GRM5: variants seen among roughly 807,000 people sequenced by gnomAD.
GRM5 encodes glutamate metabotropic receptor 5.
Under a neutral mutation model 83.1 loss-of-function variants are expected in GRM5, and 19 were observed. The ratio of observed to expected loss-of-function variants is 0.23; its 90% confidence interval spans 0.16 to 0.34. GRM5 has a LOEUF of 0.34. GRM5 is among the 10% of genes least tolerant of loss of function. The pLI is 1.00. For synonymous variants in GRM5, 675 were observed against 633.6 expected (o/e 1.07, Z -0.98); for missense variants, 1,160 against 1,588.3 (o/e 0.73, Z 4.58).
At chr11:88,915,550 G>A (rs577508739) in intron 2 of GRM5, among the ~76,000 whole-genome samples, 5 of 148,534 alleles carry the variant, frequency 3.4e-5, no homozygotes, top group Admixed American at 2.8e-4. Flanking sequence ...CAATTTTCTT[G>A]CAAAGGTCAT....
At chr11:89,004,386 G>A (rs186260998) in intron 2 of GRM5, among the ~76,000 whole-genome samples, 3 of 152,224 alleles carry the variant, frequency 2.0e-5, no homozygotes, top group Admixed American at 2.0e-4. Flanking sequence ...GAATTTAAAT[G>A]ACATTGAACT....
At chr11:88,737,973 T>C (rs1447866247) in intron 3 of GRM5, among the ~76,000 whole-genome samples, 5 of 152,042 alleles carry the variant, frequency 3.3e-5, no homozygotes, top group Admixed American at 1.3e-4. Context: ...TTTTGAAAGA[T>C]AGATGTGAAA....
chr11:89,007,585 T>C (rs1367807455), intron 2 of GRM5, among the ~76,000 whole-genome samples: 1 of 152,206 alleles, frequency 6.6e-6, no homozygotes, highest in Non-Finnish European at 1.5e-5. Context: ...AGAGACTAGA[T>C]AGGTAATAAA....
At chr11:89,049,857 C>A (rs1273633343) in intron 1 of GRM5, among the ~76,000 whole-genome samples, 3 of 152,272 alleles carry the variant, frequency 2.0e-5, no homozygotes, top group Middle Eastern at 3.4e-3. Context: ...TATTACCAAA[C>A]CTTTCTTTCA....
At chr11:88,765,329 A>G (rs1042333887) in intron 3 of GRM5, among the ~76,000 whole-genome samples, 4 of 151,226 alleles carry the variant, frequency 2.6e-5, no homozygotes, top group African/African-American at 9.7e-5. Context: ...ACTAACACCA[A>G]TACTTCTCAA....
chr11:88,561,205 G>T (rs983924224), intron 8 of GRM5, among the ~76,000 whole-genome samples: 2 of 152,196 alleles, frequency 1.3e-5, no homozygotes, highest in African/African-American at 4.8e-5. Context: ...TAGGCATATT[G>T]TAATTCGGCC....
chr11:88,871,021 A>T lies in GRM5; in HGVS notation c.662-20866T>A, dbSNP rs574189140. Among the ~76,000 whole-genome samples, 12 of 151,720 alleles carry T rather than the reference A, an allele frequency of 7.9e-5. No individual in the cohort carries two copies. In the South Asian group the frequency reaches 1.2e-3, roughly 16 times the overall value. ...ACCACTGTACATTATATGTATGAAA[A>T]CACCACTATGTACTCCATGAATACG... On this transcript the variant is annotated intron_variant, in intron 2 of 9. Transcript: ENST00000305447.
At chr11:89,045,519 G>A (rs1356732934) in intron 2 of GRM5, among the ~76,000 whole-genome samples, 1 of 152,106 alleles carries the variant, frequency 6.6e-6, no homozygotes, top group Non-Finnish European at 1.5e-5. Flanking sequence ...TCATTACCTA[G>A]TAGAATGTCT....
rs748012908 is a variant in GRM5 at position 88,844,385 on chromosome 11, CACACAT to C, written c.911+5515_911+5520del. On this transcript the variant is annotated intron_variant, in intron 3 of 9. Transcript: ENST00000305447. ...ACACACACACACACACACACACACA[CACACAT>C]ATATATATATACAAAAATCCTTTCA... Among the ~76,000 whole-genome samples the C allele has an allele frequency of 7.7e-3, 1,115 of 145,624 alleles. 17 individuals are homozygous for C. The highest frequency in any genetic ancestry group is 0.028 in the African/African-American group (1,044 of 37,824).
At chr11:88,816,045 C>T (rs1943672262) in intron 3 of GRM5, among the ~76,000 whole-genome samples, 2 of 145,574 alleles carry the variant, frequency 1.4e-5, no homozygotes, top group Non-Finnish European at 3.0e-5. Flanking sequence ...AACCCCGTCT[C>T]TACTAAAAAT....
chr11:88,634,030 G>C (rs1252797239), intron 4 of GRM5, among the ~76,000 whole-genome samples: 1 of 152,154 alleles, frequency 6.6e-6, no homozygotes, highest in Non-Finnish European at 1.5e-5. Context: ...ACTAAATACT[G>C]TGGGCAATTA....
intron 3 of GRM5, among the ~76,000 whole-genome samples, chr11:88,713,281 C>T (rs189655602): frequency 1.9e-4 from 29 of 152,118 alleles, no homozygotes; most frequent in East Asian, 9.7e-4. Context: ...TGGCTTATTA[C>T]GGTGCAGTGC....
intron 2 of GRM5, among the ~76,000 whole-genome samples, chr11:89,013,539 C>T (rs907983531): frequency 2.0e-5 from 3 of 152,176 alleles, no homozygotes; most frequent in African/African-American, 7.2e-5. Context: ...TCAAGCCTCA[C>T]TCTCACACCT....
At chr11:88,974,674 T>C (rs559567019) in intron 2 of GRM5, among the ~76,000 whole-genome samples, 3 of 152,266 alleles carry the variant, frequency 2.0e-5, no homozygotes, top group East Asian at 3.9e-4. Context: ...CATTCTATCA[T>C]GATTTTTTGT....
At position 88,508,034 on chromosome 11, in the gene GRM5, G is replaced by A. The variant is rs140252495; in HGVS notation, c.*558C>T. On this transcript the variant is annotated 3_prime_UTR_variant, in exon 10 of 10. Transcript: ENST00000305447. The surrounding 1 kb of genome is among the most constrained non-coding windows in gnomAD (Gnocchi z 4.2). ...CATGGGACACATTCACAACGCCTCC[G>A]TAAATACTGGACCCAAGTTACTGCT... The A allele has an allele frequency of 4.1e-3, 631 of 153,150 alleles. 1 individual carries two copies. Among genetic ancestry groups the A allele is most frequent in the Non-Finnish European group, 6.5e-3 (443 of 68,512 alleles). 9.5% of individuals were successfully genotyped at this position (153,150 alleles called of 1,614,324 possible). A position where few individuals can be genotyped will look rare whatever the true frequency, so the allele number is the denominator to read the frequency against.
At chr11:89,023,162 T>TGG (rs1402640506) in intron 2 of GRM5, among the ~76,000 whole-genome samples, 1 of 151,058 alleles carries the variant, frequency 6.6e-6, no homozygotes, top group African/African-American at 2.5e-5. Context: ...TGTGTGTGTG[T>TGG]GTGCGCGCGC....
At chr11:88,607,582 A>G (rs1158184707) in intron 4 of GRM5, among the ~76,000 whole-genome samples, 1 of 152,172 alleles carries the variant, frequency 6.6e-6, no homozygotes, top group Non-Finnish European at 1.5e-5. Flanking sequence ...TTTTCTCATT[A>G]CTAAAAGTAA....
chr11:88,878,370 T>G (rs1229707795), intron 2 of GRM5, among the ~76,000 whole-genome samples: 2 of 152,142 alleles, frequency 1.3e-5, no homozygotes, highest in Non-Finnish European at 2.9e-5. Flanking sequence ...AAATTCATTC[T>G]GAGAGTATTT....
chr11:88,793,862 G>A (rs1943224911), intron 3 of GRM5, among the ~76,000 whole-genome samples: 1 of 152,116 alleles, frequency 6.6e-6, no homozygotes, highest in Non-Finnish European at 1.5e-5. Flanking sequence ...GTCTTGCTCT[G>A]TCACCGTGGC....
Sources: allele counts gnomAD v4.1 joint callset (sites outside exome capture counted in the v4.1 genomes callset), GRCh38; gene constraint gnomAD v4.1.1; non-coding constraint Gnocchi (gnomAD v3.1); transcripts MANE v1.5; gene names NCBI Gene and HGNC (gene_info 2026-07-23, HGNC 2026-07-21).